TECPR2: variants seen among roughly 807,000 people sequenced by gnomAD.
TECPR2 encodes tectonin beta-propeller repeat-containing protein 2.
A neutral mutation model predicts 138.1 loss-of-function variants in TECPR2; 65 were observed. That is an observed-to-expected ratio of 0.47 (90% CI 0.39 to 0.58). The LOEUF (loss-of-function observed/expected upper bound fraction) is 0.58. Among genes scored for constraint, TECPR2 ranks in the 20% least tolerant of loss-of-function variants. The pLI is 0.00. For synonymous variants in TECPR2, 746 were observed against 749.8 expected (o/e 0.99, Z 0.08); for missense variants, 1,553 against 1,824.5 (o/e 0.85, Z 2.71).
At chr14:102,431,459 C>G (rs972055975) in intron 7 of TECPR2, among the ~76,000 whole-genome samples, 4 of 151,602 alleles carry the variant, frequency 2.6e-5, no homozygotes, top group Admixed American at 2.6e-4. Context: ...TCTCCTGCCT[C>G]AGCCTCCCAA....
chr14:102,413,494 G>A (rs1014447051), intron 4 of TECPR2, among the ~76,000 whole-genome samples: 27 of 151,402 alleles, frequency 1.8e-4, no homozygotes, highest in African/African-American at 5.6e-4. Context: ...TTCTCCTGCC[G>A]CAGCCTCCCA....
In TECPR2 at chr14:102,364,634, A is replaced by G. The variant is rs1020833509; in HGVS notation, c.-73+1518A>G. On this transcript the variant is annotated intron_variant, in intron 1 of 19. Coordinates refer to ENST00000359520, the MANE Select transcript of TECPR2 (RefSeq NM_014844.5). ...TAGGAAGTAGCTTTTGTTAGGCATC[A>G]GCTATATTATACCCACGTGTCTTTT... 3.3e-5 allele frequency among the ~76,000 whole-genome samples: 5 copies of G among 152,238 alleles called. 1 individual carries two copies. Among genetic ancestry groups the G allele is most frequent in the Non-Finnish European group, 7.3e-5 (5 of 68,048 alleles).
rs1418058862 is a variant in TECPR2 at position 102,419,274 on chromosome 14, C to T, written c.638+4481C>T. 1.3e-5 allele frequency among the ~76,000 whole-genome samples: 2 copies of T among 152,166 alleles called. No homozygotes were observed. Among genetic ancestry groups the T allele is most frequent in the East Asian group, 3.9e-4 (2 of 5,166 alleles). Reference sequence around the variant, plus strand: ...CATGGAGGCTGTGCACAGCCCTCCTCATCAGCAGGGCCAAGGGATTGGAAG... The same window carrying T: ...CATGGAGGCTGTGCACAGCCCTCCTTATCAGCAGGGCCAAGGGATTGGAAG... On this transcript the variant is annotated intron_variant, in intron 5 of 19. Transcript: ENST00000359520. The surrounding 1 kb of genome is among the most constrained non-coding windows in gnomAD (Gnocchi z 4.8).
chr14:102,458,565 GC>G (rs766427750), intron 16 of TECPR2, among the ~76,000 whole-genome samples: 3 of 151,900 alleles, frequency 2.0e-5, no homozygotes, highest in Non-Finnish European at 4.4e-5. Flanking sequence ...TTGTGTTGGG[GC>G]CCTGGCTAAC....
intron 2 of TECPR2, among the ~76,000 whole-genome samples, chr14:102,385,850 C>T (rs1441191927): frequency 6.6e-6 from 1 of 151,100 alleles, no homozygotes; most frequent in Non-Finnish European, 1.5e-5. Context: ...GTGGGAGGAT[C>T]ATTTGAGCCC....
intron 16 of TECPR2, among the ~76,000 whole-genome samples, chr14:102,462,980 C>G (rs569057689): frequency 6.6e-6 from 1 of 152,146 alleles, no homozygotes; most frequent in East Asian, 1.9e-4. Context: ...GCAGGAAATA[C>G]AAATTAAAGC....
At chr14:102,414,547 G>A (rs1888969600) in intron 4 of TECPR2, 89 bp from the exon 5 acceptor site, 7 of 1,521,578 alleles carry the variant, frequency 4.6e-6, no homozygotes, top group Non-Finnish European at 6.2e-6. Flanking sequence ...CCTAAGCACA[G>A]CTAGCGGGAA....
At chr14:102,468,279 C>T (rs1466009337) in intron 17 of TECPR2, among the ~76,000 whole-genome samples, 1 of 152,214 alleles carries the variant, frequency 6.6e-6, no homozygotes, top group Non-Finnish European at 1.5e-5. Context: ...CTTCTGCCTC[C>T]TGGATTCAAG....
At chr14:102,382,851 C>T (rs533396111) in intron 2 of TECPR2, among the ~76,000 whole-genome samples, 53 of 152,020 alleles carry the variant, frequency 3.5e-4, no homozygotes, top group Non-Finnish European at 6.5e-4. Context: ...CTCCGTCCCC[C>T]GGGTTCAAGT....
At chr14:102,439,278 A>G (rs1889766928) in intron 10 of TECPR2, among the ~76,000 whole-genome samples, 1 of 152,146 alleles carries the variant, frequency 6.6e-6, no homozygotes, top group African/African-American at 2.4e-5. Flanking sequence ...AAGTCAGACG[A>G]AGCCGAAGCT....
At chr14:102,394,583 C>T (rs1041709697) in intron 2 of TECPR2, among the ~76,000 whole-genome samples, 7 of 152,132 alleles carry the variant, frequency 4.6e-5, no homozygotes, top group Non-Finnish European at 8.8e-5. Flanking sequence ...GCCTGGGTGA[C>T]AGAGCGAGAC....
rs997133586 is a variant in TECPR2 at position 102,376,890 on chromosome 14, C to G, written c.169C>G (p.Leu57Val). 6 of 1,613,986 alleles carry G rather than the reference C, an allele frequency of 3.7e-6. No individual in the cohort carries two copies. The African/African-American group carries it at 4.0e-5, about 11-fold the overall frequency. The stretch of plus-strand genomic sequence containing the variant: ...CGCGGTGGGCAGCAGCATCGGCATG[C>G]TCTATCTGTACTGCCGGCACCTCAA... ...YIAVGSSIGMLYLYCRHLNQM... is the reference protein window; with the variant it reads ...YIAVGSSIGMVYLYCRHLNQM... The change falls in exon 2 of 20, where the codon CTC becomes GTC. Residue 57 changes from leucine to valine, a missense_variant. Transcript: ENST00000359520.
rs1891426425 is a variant in TECPR2, at chr14:102,501,138, G to A, written c.*2881G>A. 6.6e-6 allele frequency: 1 copy of A among 152,318 alleles called. No homozygotes were observed. The highest frequency in any genetic ancestry group is 2.4e-5 in the African/African-American group (1 of 41,472). The allele number at this position is 152,318 out of a possible 1,614,324, so 9.4% of individuals were successfully genotyped here. On this transcript the variant is annotated 3_prime_UTR_variant, in exon 20 of 20. Transcript: ENST00000359520. ...AGGCAACAGGCTAGCAAGGCCCACA[G>A]GGAGGGAGCAGAATGGAGAGGGCAT... is the stretch of plus-strand genomic sequence containing the variant.
Position 102,376,699 on chromosome 14 carries a change from G to A in TECPR2, c.-23G>A, listed in dbSNP as rs778199878. On this transcript the variant is annotated 5_prime_UTR_variant, in exon 2 of 20. Transcript: ENST00000359520. ...ATAAACATTCCTTTTCCTGCGTGAA[G>A]ATAGTCTGTGGAAACCTTGGCCATG... 1.4e-5 allele frequency: 22 copies of A among 1,608,344 alleles called. No individual in the cohort carries two copies. The highest frequency in any genetic ancestry group is 1.9e-5 in the Non-Finnish European group (22 of 1,174,762).
chr14:102,426,045 T>C (rs1472728037), intron 6 of TECPR2, among the ~76,000 whole-genome samples: 2 of 151,466 alleles, frequency 1.3e-5, no homozygotes, highest in Admixed American at 6.6e-5. Context: ...CCACCACGCC[T>C]GGCTAATTTT....
chr14:102,401,368 G>C (rs1289255297), intron 2 of TECPR2, among the ~76,000 whole-genome samples: 2 of 148,346 alleles, frequency 1.3e-5, no homozygotes, highest in South Asian at 2.1e-4. Flanking sequence ...GAACCTGGGT[G>C]ACAGAGGTTG....
rs1218408696 is a variant in TECPR2 at position 102,458,312 on chromosome 14, G to A, written c.3640+5685G>A. Among the ~76,000 whole-genome samples, 6 of 152,080 alleles carry A rather than the reference G, an allele frequency of 3.9e-5. No individual in the cohort carries two copies. In the South Asian group the frequency reaches 6.2e-4, roughly 16 times the overall value. The stretch of plus-strand genomic sequence containing the variant: ...ACCACTGTCAGGGTGGAGCCCCCTC[G>A]TCACCAAGTTGCTGTACTGCAGTAG... On this transcript the variant is annotated intron_variant, in intron 16 of 19. Transcript: ENST00000359520.
chr14:102,393,087 G>A (rs1043344256), intron 2 of TECPR2, among the ~76,000 whole-genome samples: 10 of 152,064 alleles, frequency 6.6e-5, no homozygotes, highest in East Asian at 1.9e-4. Context: ...CATCTACTCC[G>A]CTCTGAAAAC....
At chr14:102,383,224 T>C in intron 2 of TECPR2, among the ~76,000 whole-genome samples, 1 of 152,204 alleles carries the variant, frequency 6.6e-6, no homozygotes, top group East Asian at 1.9e-4. Flanking sequence ...CAGAGTAGTT[T>C]TGACTTCTAC....
Sources: allele counts gnomAD v4.1 joint callset (sites outside exome capture counted in the v4.1 genomes callset), GRCh38; gene constraint gnomAD v4.1.1; non-coding constraint Gnocchi (gnomAD v3.1); transcripts MANE v1.5; gene names NCBI Gene and HGNC (gene_info 2026-07-23, HGNC 2026-07-21).